MACROD1: variants seen among roughly 807,000 people sequenced by gnomAD.
The protein encoded by MACROD1 is ADP-ribose glycohydrolase MACROD1.
A neutral mutation model predicts 41.4 loss-of-function variants in MACROD1; 31 were observed. The observed-to-expected ratio is 0.75, with a 90% CI of 0.56 to 1.01. The LOEUF (loss-of-function observed/expected upper bound fraction) is 1.01. MACROD1 is among the 50% of genes least tolerant of loss of function. The pLI is 0.00. For missense variants in MACROD1, 473 were observed against 460.0 expected, an observed-to-expected ratio of 1.03 and a Z score of -0.26; for synonymous variants, 252 against 203.4, an observed-to-expected ratio of 1.24 and a Z score of -2.03.
chr11:64,070,373 G>A (rs1385055955), intron 3 of MACROD1, among the ~76,000 whole-genome samples: 1 of 152,118 alleles, frequency 6.6e-6, no homozygotes, highest in Non-Finnish European at 1.5e-5. Flanking sequence ...GCCCTTCTGA[G>A]CTTGAGCTTT....
chr11:64,160,970 G>A (rs907835474), intron 1 of MACROD1, among the ~76,000 whole-genome samples: 2 of 151,944 alleles, frequency 1.3e-5, no homozygotes, highest in African/African-American at 2.4e-5. Context: ...TCAGTATTTT[G>A]AGACCAGCCT....
At chr11:64,153,802 G>A (rs1264853067) in intron 1 of MACROD1, among the ~76,000 whole-genome samples, 4 of 152,122 alleles carry the variant, frequency 2.6e-5, no homozygotes, top group Non-Finnish European at 5.9e-5. Flanking sequence ...TTGGGCACGA[G>A]TAGGTCCTGC....
At chr11:64,048,474 AC>A (rs1325986488) in intron 3 of MACROD1, among the ~76,000 whole-genome samples, 3 of 152,036 alleles carry the variant, frequency 2.0e-5, no homozygotes, top group African/African-American at 7.2e-5. Flanking sequence ...GTTGCCAGGG[AC>A]CCAGGAGCCC....
intron 3 of MACROD1, among the ~76,000 whole-genome samples, chr11:64,108,274 T>C (rs1228745400): frequency 2.0e-5 from 3 of 150,984 alleles, no homozygotes; most frequent in East Asian, 3.9e-4. Context: ...GATCGTACCA[T>C]TGCACTCCAG....
chr11:64,050,218 G>C (rs1943667317), intron 3 of MACROD1, among the ~76,000 whole-genome samples: 1 of 152,120 alleles, frequency 6.6e-6, no homozygotes, highest in Non-Finnish European at 1.5e-5. Context: ...TGGGGATGCA[G>C]GGAGGGCCGA....
At chr11:64,102,746 C>T (rs887662885) in intron 3 of MACROD1, among the ~76,000 whole-genome samples, 21 of 152,064 alleles carry the variant, frequency 1.4e-4, no homozygotes, top group African/African-American at 3.9e-4. Context: ...GCCCCTTCCC[C>T]GGCTCATAGG....
chr11:64,046,122 C>T (rs982176291), intron 3 of MACROD1, among the ~76,000 whole-genome samples: 4 of 152,048 alleles, frequency 2.6e-5, no homozygotes, highest in Non-Finnish European at 5.9e-5. Flanking sequence ...AGGTTCTGAG[C>T]GGCAGGGGTA....
At chr11:64,078,484 G>C (rs917560326) in intron 3 of MACROD1, among the ~76,000 whole-genome samples, 1 of 152,222 alleles carries the variant, frequency 6.6e-6, no homozygotes, top group Non-Finnish European at 1.5e-5. Flanking sequence ...GGCTAATCTG[G>C]TTATTCCACC....
chr11:64,137,550 T>G (rs1945349416), intron 3 of MACROD1, among the ~76,000 whole-genome samples: 1 of 152,204 alleles, frequency 6.6e-6, no homozygotes. Context: ...CATCTCATAT[T>G]CAGTTGCAAC....
chr11:63,998,976 G>A lies in MACROD1; in HGVS notation c.952C>T (p.Leu318Phe). The A allele has an allele frequency of 6.2e-7, 1 of 1,606,858 alleles. No individual in the cohort carries two copies. The highest frequency in any genetic ancestry group is 8.5e-7 in the Non-Finnish European group (1 of 1,177,452). ...EKDEDIYRSR[L>F]PHYFPVA ...GTACCCACGGGGAAGTAGTGGGGGAGCCGGCTCCGGTAGATGTCCTCGTCC... is the reference window on the plus strand; with the variant it reads ...GTACCCACGGGGAAGTAGTGGGGGAACCGGCTCCGGTAGATGTCCTCGTCC... Residue 318 changes from leucine to phenylalanine, a missense_variant, in exon 9 of 11, where the codon CTC becomes TTC. Coordinates refer to ENST00000255681, the MANE Select transcript of MACROD1 (RefSeq NM_014067.4).
At chr11:64,008,545 G>A (rs1942952133) in intron 4 of MACROD1, among the ~76,000 whole-genome samples, 1 of 152,160 alleles carries the variant, frequency 6.6e-6, no homozygotes, top group Non-Finnish European at 1.5e-5. Context: ...TGCGACAGGA[G>A]GGCAGAGGAG....
intron 3 of MACROD1, among the ~76,000 whole-genome samples, chr11:64,040,077 A>G (rs191420463): frequency 6.6e-6 from 1 of 152,318 alleles, no homozygotes; most frequent in Non-Finnish European, 1.5e-5. Context: ...AGCATTAGTT[A>G]TTGCCAGGCA....
chr11:64,007,736 C>CCCCA (rs1237524623), intron 4 of MACROD1, among the ~76,000 whole-genome samples: 1 of 152,196 alleles, frequency 6.6e-6, no homozygotes, highest in Non-Finnish European at 1.5e-5. Context: ...TGCCAGACAG[C>CCCCA]CCCACGCCAG....
chr11:64,024,304 A>T (rs1037748256), intron 3 of MACROD1, among the ~76,000 whole-genome samples: 1 of 152,228 alleles, frequency 6.6e-6, no homozygotes, highest in Non-Finnish European at 1.5e-5. Flanking sequence ...CGTGCTTTGC[A>T]TTGGGCCAAG....
At chr11:64,105,891 A>G (rs1436712632) in intron 3 of MACROD1, among the ~76,000 whole-genome samples, 1 of 151,826 alleles carries the variant, frequency 6.6e-6, no homozygotes, top group Non-Finnish European at 1.5e-5. Context: ...CCTCATCTGC[A>G]AAAAGCAGAC....
chr11:64,072,839 C>T (rs1250806469), intron 3 of MACROD1, among the ~76,000 whole-genome samples: 1 of 152,232 alleles, frequency 6.6e-6, no homozygotes, highest in Non-Finnish European at 1.5e-5. Context: ...ACCAGAGCGT[C>T]TGAGGGTCTG....
rs1180099143 is a variant in MACROD1 at position 64,046,897 on chromosome 11, T to C, written c.518-31616A>G. ...CTCTAGCCAGATACTGCCGGACATT[T>C]TAAAACACTTGAATTCAGTCAAGTC... On this transcript the variant is annotated intron_variant, in intron 3 of 10. Transcript: ENST00000255681. Among the ~76,000 whole-genome samples, 4 of 152,280 alleles carry C rather than the reference T, an allele frequency of 2.6e-5. No individual in the cohort carries two copies. In the South Asian group the frequency reaches 8.3e-4, roughly 32 times the overall value.
intron 3 of MACROD1, among the ~76,000 whole-genome samples, chr11:64,126,315 G>A (rs1384062028): frequency 6.6e-6 from 1 of 152,174 alleles, no homozygotes; most frequent in Non-Finnish European, 1.5e-5. Context: ...CCAGCGCTCA[G>A]GGCTTGTCAT....
intron 3 of MACROD1, among the ~76,000 whole-genome samples, chr11:64,060,205 C>T: frequency 6.6e-6 from 1 of 152,250 alleles, no homozygotes; most frequent in Non-Finnish European, 1.5e-5. Flanking sequence ...GGCAGAGAGG[C>T]CAGGCCCACA....
Sources: allele counts gnomAD v4.1 joint callset (sites outside exome capture counted in the v4.1 genomes callset), GRCh38; gene constraint gnomAD v4.1.1; transcripts MANE v1.5; gene names NCBI Gene and HGNC (gene_info 2026-07-23, HGNC 2026-07-21).